The following SMAP1 variants were observed in gnomAD, a reference collection of about 807,000 sequenced individuals.
The protein encoded by SMAP1 is stromal membrane-associated protein 1.
In SMAP1, 24 loss-of-function variants were observed where a neutral mutation model predicts 58.5. That is an observed-to-expected ratio of 0.41 (90% CI 0.30 to 0.58). SMAP1 has a LOEUF of 0.58. Ranked by LOEUF, SMAP1 falls within the 20% of genes least tolerant of loss-of-function variation. The pLI is 0.29. For missense variants in SMAP1, 563 were observed against 566.3 expected, an observed-to-expected ratio of 0.99 and a Z score of 0.06; for synonymous variants, 216 against 196.6, an observed-to-expected ratio of 1.10 and a Z score of -0.82.
chr6:70,782,960 G>A (rs564953692), intron 4 of SMAP1, among the ~76,000 whole-genome samples: 65 of 152,290 alleles, frequency 4.3e-4, no homozygotes, highest in Middle Eastern at 3.4e-3. Flanking sequence ...CACGCAGCTG[G>A]AGATCTGAGA....
At position 70,809,843 on chromosome 6, in the gene SMAP1, G is replaced by A. The variant is rs530264934; in HGVS notation, c.576+11106G>A. Among the ~76,000 whole-genome samples the A allele has an allele frequency of 4.8e-4, 73 of 152,194 alleles. 1 individual carries two copies. The highest frequency in any genetic ancestry group is 1.2e-3 in the South Asian group (6 of 4,814). On this transcript the variant is annotated intron_variant, in intron 6 of 10. Transcript: ENST00000370455. ...AAAGCTAGATCTTGAAGATTAGTTTGATGATGATCTTTTGTTTATAGATTT... is the reference window on the plus strand; with the variant it reads ...AAAGCTAGATCTTGAAGATTAGTTTAATGATGATCTTTTGTTTATAGATTT...
chr6:70,795,029 C>T (rs117700199), intron 5 of SMAP1, among the ~76,000 whole-genome samples: 2,963 of 152,084 alleles, frequency 0.019, 40 homozygotes, highest in Middle Eastern at 0.065. Flanking sequence ...ACCTCATTGC[C>T]ACATTTTCTT....
At chr6:70,775,100 C>T (rs1053152968) in intron 4 of SMAP1, among the ~76,000 whole-genome samples, 7 of 151,724 alleles carry the variant, frequency 4.6e-5, no homozygotes, top group African/African-American at 1.7e-4. Context: ...GCTGCATTTA[C>T]AGTGGATGTG....
chr6:70,828,722 A>G (rs1770239949), intron 6 of SMAP1, among the ~76,000 whole-genome samples: 1 of 152,206 alleles, frequency 6.6e-6, no homozygotes. Flanking sequence ...ATGTAGAACT[A>G]GAGGTCAGTC....
chr6:70,806,152 G>T (rs915274920), intron 6 of SMAP1, among the ~76,000 whole-genome samples: 5 of 152,196 alleles, frequency 3.3e-5, no homozygotes, highest in African/African-American at 4.8e-5. Context: ...GCTGAGCTGC[G>T]GTGGGCTCCG....
chr6:70,702,847 G>T (rs181235098), intron 1 of SMAP1, among the ~76,000 whole-genome samples: 2 of 151,974 alleles, frequency 1.3e-5, no homozygotes, highest in Non-Finnish European at 2.9e-5. Flanking sequence ...GCCCAGGCTG[G>T]TCTCGAAATC....
At position 70,809,861 on chromosome 6, in the gene SMAP1, A is replaced by C. The variant is rs182559174; in HGVS notation, c.576+11124A>C. On this transcript the variant is annotated intron_variant, in intron 6 of 10. Transcript: ENST00000370455. ...TTAGTTTGATGATGATCTTTTGTTT[A>C]TAGATTTTTAAAGGAAATAATAGAT... Among the ~76,000 whole-genome samples, 457 of 152,276 alleles carry C rather than the reference A, an allele frequency of 3.0e-3. 3 individuals carry two copies. The highest frequency in any genetic ancestry group is 0.01 in the African/African-American group (426 of 41,570).
intron 1 of SMAP1, among the ~76,000 whole-genome samples, chr6:70,699,529 C>CA: frequency 6.6e-6 from 1 of 152,254 alleles, no homozygotes; most frequent in Non-Finnish European, 1.5e-5. Flanking sequence ...CCAGAAATGC[C>CA]TGAGAACCAG....
intron 1 of SMAP1, among the ~76,000 whole-genome samples, chr6:70,713,466 G>C (rs1421959792): frequency 6.6e-6 from 1 of 151,640 alleles, no homozygotes; most frequent in East Asian, 1.9e-4. Flanking sequence ...TTTTGTTTTT[G>C]TTTATCCTGA....
At chr6:70,829,694 A>G (rs1770281112) in intron 6 of SMAP1, among the ~76,000 whole-genome samples, 1 of 152,218 alleles carries the variant, frequency 6.6e-6, no homozygotes. Context: ...GATTCTAGGA[A>G]TATTAAAGGA....
chr6:70,774,479 T>C (rs1199589572), intron 4 of SMAP1, among the ~76,000 whole-genome samples: 15 of 152,236 alleles, frequency 9.9e-5, no homozygotes, highest in Non-Finnish European at 7.3e-5. Flanking sequence ...GGTTTCCTAT[T>C]TGGCCCATAT....
chr6:70,788,586 T>C (rs908751679), intron 4 of SMAP1, among the ~76,000 whole-genome samples: 1 of 151,942 alleles, frequency 6.6e-6, no homozygotes, highest in African/African-American at 2.4e-5. Flanking sequence ...AACTCAAAAT[T>C]AAAGGATGAG....
intron 1 of SMAP1, chr6:70,694,257 A>G (rs577517652): frequency 5.2e-5 from 11 of 212,386 alleles, no homozygotes; most frequent in Non-Finnish European, 8.5e-5. Context: ...TGGCAACACA[A>G]TAATTCTCTT....
chr6:70,832,016 T>TTA (rs1368384186), intron 6 of SMAP1, among the ~76,000 whole-genome samples: 13 of 152,176 alleles, frequency 8.5e-5, no homozygotes, highest in Non-Finnish European at 1.8e-4. Context: ...TCTCTAATAA[T>TTA]TAGTGATGTT....
chr6:70,861,726 T>TGTCC lies in SMAP1; in HGVS notation c.*1394_*1397dup, dbSNP rs749286838. On this transcript the variant is annotated 3_prime_UTR_variant, in exon 11 of 11. Coordinates refer to ENST00000370455, the MANE Select transcript of SMAP1 (RefSeq NM_001044305.3). ...GCTCGTTGGCTAGATTAACCTTCTC[T>TGTCC]GTCCGAGTGTGCCACACGAGAACCT... 8.1e-6 allele frequency: 13 copies of TGTCC among 1,613,988 alleles called. No homozygotes were observed. In the African/African-American group the frequency reaches 1.5e-4, roughly 18 times the overall value.
chr6:70,763,555 G>A (rs1363854256), intron 3 of SMAP1, among the ~76,000 whole-genome samples: 1 of 152,014 alleles, frequency 6.6e-6, no homozygotes, highest in African/African-American at 2.4e-5. Flanking sequence ...AAATCAAAAA[G>A]CTATAATAGA....
At chr6:70,809,181 A>G (rs1215891745) in intron 6 of SMAP1, among the ~76,000 whole-genome samples, 2 of 152,220 alleles carry the variant, frequency 1.3e-5, no homozygotes, top group East Asian at 3.8e-4. Flanking sequence ...CAGTGACGCT[A>G]TAAGAGAAGA....
intron 6 of SMAP1, among the ~76,000 whole-genome samples, chr6:70,799,493 G>A (rs556632725): frequency 1.1e-4 from 16 of 152,246 alleles, no homozygotes; most frequent in African/African-American, 3.9e-4. Flanking sequence ...TGGTGGCTTG[G>A]CTTTGAATGC....
intron 6 of SMAP1, among the ~76,000 whole-genome samples, chr6:70,809,702 A>G (rs1219187863): frequency 6.6e-6 from 1 of 152,210 alleles, no homozygotes; most frequent in Non-Finnish European, 1.5e-5. Flanking sequence ...TACTTTTATA[A>G]AAATCATAGA....
Sources: gnomAD v4.1 joint callset for allele counts (sites outside exome capture counted in the v4.1 genomes callset) on GRCh38, gnomAD v4.1.1 for gene constraint, MANE v1.5 for transcripts, NCBI Gene and HGNC (gene_info 2026-07-23, HGNC 2026-07-21) for gene names.